The following JARID2 variants were observed in gnomAD, a reference collection of about 807,000 sequenced individuals.
The protein encoded by JARID2 is jumonji and AT-rich interaction domain containing 2.
JARID2 carries 21 observed loss-of-function variants against 125.6 expected under a neutral mutation model. That is an observed-to-expected ratio of 0.17 (90% confidence interval 0.12 to 0.24). The LOEUF is 0.24. Ranked by LOEUF, JARID2 falls within the 10% of genes least tolerant of loss-of-function variation. The pLI is 1.00. For synonymous variants in JARID2, 736 were observed against 661.6 expected, an observed-to-expected ratio of 1.11 and a Z score of -1.73; for missense variants, 1,303 against 1,639.6, an observed-to-expected ratio of 0.79 and a Z score of 3.55.
chr6:15,301,773 G>GC (rs879663993), intron 1 of JARID2, among the ~76,000 whole-genome samples: 2 of 152,190 alleles, frequency 1.3e-5, no homozygotes, highest in Non-Finnish European at 2.9e-5. Flanking sequence ...AGTAAATGGG[G>GC]CTGCCCTCTT....
In JARID2 at chr6:15,286,787, G is replaced by A. The variant is rs193288033; in HGVS notation, c.45+40203G>A. On this transcript the variant is annotated intron_variant, in intron 1 of 17. Coordinates refer to ENST00000341776, the MANE Select transcript of JARID2 (RefSeq NM_004973.4). Reference sequence around the variant, plus strand: ...TGAGGCAGGAGAATGGCGTGAACCCGGGAGGCAGAGCTTGCAGTGAGCCGA... The same window carrying A: ...TGAGGCAGGAGAATGGCGTGAACCCAGGAGGCAGAGCTTGCAGTGAGCCGA... Among the ~76,000 whole-genome samples the A allele has an allele frequency of 5.3e-3, 798 of 150,594 alleles. 13 individuals carry two copies. The highest frequency in any genetic ancestry group is 0.019 in the African/African-American group (760 of 41,008).
At chr6:15,416,232 T>C (rs1317247197) in intron 3 of JARID2, among the ~76,000 whole-genome samples, 2 of 149,280 alleles carry the variant, frequency 1.3e-5, no homozygotes, top group African/African-American at 5.0e-5. Context: ...GGGCTCCTCA[T>C]GTCCCAGACG....
At chr6:15,386,485 C>T (rs1350605423) in intron 2 of JARID2, among the ~76,000 whole-genome samples, 3 of 152,054 alleles carry the variant, frequency 2.0e-5, no homozygotes, top group African/African-American at 7.3e-5. Context: ...GTACAGTTGA[C>T]ATGTTTGTTT....
At chr6:15,512,028 C>G (rs1771303861) in intron 13 of JARID2, among the ~76,000 whole-genome samples, 180 bp from the exon 14 acceptor site, 1 of 152,216 alleles carries the variant, frequency 6.6e-6, no homozygotes, top group Non-Finnish European at 1.5e-5. Flanking sequence ...TGTCATCACT[C>G]TTGGACCAGT....
chr6:15,262,133 A>G (rs2127326330), intron 1 of JARID2, among the ~76,000 whole-genome samples: 1 of 149,342 alleles, frequency 6.7e-6, no homozygotes, highest in South Asian at 2.1e-4. Context: ...AAAGGTATGT[A>G]TAAATGAAGA....
At chr6:15,392,040 GT>G (rs869139111) in intron 2 of JARID2, among the ~76,000 whole-genome samples, 4 of 9,992 alleles carry the variant, frequency 4.0e-4, no homozygotes, top group East Asian at 4.8e-3. Flanking sequence ...TCCCAGAGTG[GT>G]GTGTGTGTGT....
chr6:15,317,534 C>G (rs1479720528), intron 1 of JARID2, among the ~76,000 whole-genome samples: 2 of 152,038 alleles, frequency 1.3e-5, no homozygotes, highest in African/African-American at 4.8e-5. Flanking sequence ...GCCTCTTGAA[C>G]TGAAAGTGAG....
chr6:15,287,675 G>GT (rs1761055357), intron 1 of JARID2, among the ~76,000 whole-genome samples: 1 of 152,148 alleles, frequency 6.6e-6, no homozygotes, highest in African/African-American at 2.4e-5. Flanking sequence ...TCTTCCTGCA[G>GT]TTGCTGCCTT....
At chr6:15,257,151 C>A (rs983297395) in intron 1 of JARID2, among the ~76,000 whole-genome samples, 1 of 152,084 alleles carries the variant, frequency 6.6e-6, no homozygotes, top group African/African-American at 2.4e-5. Context: ...AAATACTTTT[C>A]TTTTCAGGGG....
Position 15,497,056 on chromosome 6 carries a change from A to G in JARID2, c.1831A>G (p.Ile611Val). 1 of 1,610,084 alleles carries G rather than the reference A, an allele frequency of 6.2e-7. No homozygotes were observed. Among genetic ancestry groups the G allele is most frequent in the African/African-American group, 1.3e-5 (1 of 74,960 alleles). ...LNDEMRFVTQ[I>V]QHIHKLGRRW... Reference sequence around the variant, plus strand: ...CGATGAGATGCGGTTTGTCACGCAGATTCAGCACATCCACAAGCTGGGCCG... The same window carrying G: ...CGATGAGATGCGGTTTGTCACGCAGGTTCAGCACATCCACAAGCTGGGCCG... The change falls in exon 7 of 18, where the codon ATT (isoleucine) becomes GTT (valine). Residue 611 changes from isoleucine (I) to valine (V), a missense_variant. Ile to Val is a conservative substitution (Grantham distance 29). Transcript: ENST00000341776.
At chr6:15,463,393 C>T (rs1429592295) in intron 4 of JARID2, among the ~76,000 whole-genome samples, 2 of 150,156 alleles carry the variant, frequency 1.3e-5, no homozygotes, top group Non-Finnish European at 2.9e-5. Flanking sequence ...CCCCTGAGAA[C>T]GCAAGGTCAT....
chr6:15,379,636 A>G (rs1224728691), intron 2 of JARID2, among the ~76,000 whole-genome samples: 1 of 152,166 alleles, frequency 6.6e-6, no homozygotes, highest in East Asian at 1.9e-4. Flanking sequence ...ATTTCCTTAA[A>G]CTTACCCCGG....
chr6:15,444,134 C>T (rs964160389), intron 3 of JARID2, among the ~76,000 whole-genome samples: 8 of 152,126 alleles, frequency 5.3e-5, no homozygotes, highest in African/African-American at 1.9e-4. Flanking sequence ...CCAGAAGTAC[C>T]ATAAAGCAGG....
At chr6:15,334,529 T>G (rs968723930) in intron 1 of JARID2, among the ~76,000 whole-genome samples, 1 of 152,214 alleles carries the variant, frequency 6.6e-6, no homozygotes, top group African/African-American at 2.4e-5. Flanking sequence ...TAGTCTGGAT[T>G]TGACATAATT....
chr6:15,469,355 CTCTCTCCTCCCCTT>C (rs759591626), intron 5 of JARID2, among the ~76,000 whole-genome samples: 418 of 19,144 alleles, frequency 0.022, 12 homozygotes, highest in Non-Finnish European at 0.032. Context: ...CTCTCTCTCT[CTCTCTCCTCCCCTT>C]CTCCCCCTCT....
chr6:15,253,143 A>G (rs1302590986), intron 1 of JARID2, among the ~76,000 whole-genome samples: 3 of 151,858 alleles, frequency 2.0e-5, no homozygotes, highest in Non-Finnish European at 4.4e-5. Context: ...TGTTCACTGC[A>G]GCCTCCAGCT....
intron 1 of JARID2, among the ~76,000 whole-genome samples, chr6:15,350,446 G>T (rs1489906639): frequency 6.6e-6 from 1 of 152,194 alleles, no homozygotes; most frequent in African/African-American, 2.4e-5. Flanking sequence ...GTCTTCATTA[G>T]TAACACGGAG....
intron 5 of JARID2, 96 bp downstream of exon 5, chr6:15,468,814 A>G: frequency 8.2e-7 from 1 of 1,220,320 alleles, no homozygotes; most frequent in South Asian, 1.5e-5. Context: ...ATGAAGGCAA[A>G]GCTCGTTCTG....
chr6:15,468,246 T>A (rs975541782), intron 4 of JARID2, among the ~76,000 whole-genome samples: 1 of 151,670 alleles, frequency 6.6e-6, no homozygotes, highest in African/African-American at 2.4e-5. Context: ...TTTTATTTTA[T>A]TATTTTTTTG....
Sources: gnomAD v4.1 joint callset for allele counts (sites outside exome capture counted in the v4.1 genomes callset) on GRCh38, gnomAD v4.1.1 for gene constraint, MANE v1.5 for transcripts, NCBI Gene and HGNC (gene_info 2026-07-23, HGNC 2026-07-21) for gene names.